The following RBPJ variants were observed in gnomAD, a reference collection of about 807,000 sequenced individuals.
RBPJ encodes the protein recombination signal binding protein for immunoglobulin kappa J region.
Under a neutral mutation model 67.8 loss-of-function variants are expected in RBPJ, and 9 were observed. The observed-to-expected ratio is 0.13, with a 90% confidence interval of 0.08 to 0.23. The LOEUF (loss-of-function observed/expected upper bound fraction) is 0.23, where lower values mean the gene tolerates loss of function less well. Ranked by LOEUF, RBPJ falls within the 10% of genes least tolerant of loss-of-function variation. The probability of loss-of-function intolerance (pLI) is 1.00; values close to 1 mark genes in which losing one functional copy is unlikely to be tolerated. For missense variants in RBPJ, 305 were observed against 595.6 expected (o/e 0.51, Z 5.08); for synonymous variants, 198 against 203.3 (o/e 0.97, Z 0.22).
Position 26,433,489 on chromosome 4 carries a change from A to G in RBPJ, c.*2482A>G, listed in dbSNP as rs1736407144. 6.6e-6 allele frequency: 1 copy of G among 152,188 alleles called. No homozygotes were observed. The highest frequency in any genetic ancestry group is 1.5e-5 in the Non-Finnish European group (1 of 68,024). 9.4% of individuals were successfully genotyped at this position (152,188 alleles called of 1,614,324 possible). A position where few individuals can be genotyped will look rare whatever the true frequency, so the allele number is the denominator to read the frequency against. ...TTTTGTAGCTCAAAAATAATTTTTC[A>G]AGTTCATGACCTTATTAAAATGAAC... On this transcript the variant is annotated 3_prime_UTR_variant, in exon 11 of 11. Coordinates refer to ENST00000355476, the MANE Select transcript of RBPJ (RefSeq NM_015874.6).
At chr4:26,192,352 T>C (rs1307359818) in intron 1 of RBPJ, among the ~76,000 whole-genome samples, 2 of 152,208 alleles carry the variant, frequency 1.3e-5, no homozygotes, top group African/African-American at 4.8e-5. Flanking sequence ...CACATTCTTT[T>C]GTGTCTAACT....
intron 1 of RBPJ, among the ~76,000 whole-genome samples, chr4:26,274,026 CT>C (rs1322341082): frequency 2.6e-5 from 4 of 152,332 alleles, no homozygotes; most frequent in Non-Finnish European, 5.9e-5. Flanking sequence ...TCAGAGAAGT[CT>C]TTCCCAACCA....
chr4:26,423,324 G>A (rs892424215), intron 5 of RBPJ, among the ~76,000 whole-genome samples: 7 of 152,202 alleles, frequency 4.6e-5, no homozygotes, highest in African/African-American at 1.7e-4. Context: ...CCTGCTAAAG[G>A]CAGGCCAAGG....
At chr4:26,231,774 C>T (rs1030422136) in intron 1 of RBPJ, among the ~76,000 whole-genome samples, 7 of 151,826 alleles carry the variant, frequency 4.6e-5, no homozygotes, top group Non-Finnish European at 5.9e-5. Context: ...GTCTCGAACT[C>T]GTGACCTCAG....
chr4:26,369,013 G>T (rs943591661), intron 1 of RBPJ, among the ~76,000 whole-genome samples: 8 of 152,176 alleles, frequency 5.3e-5, no homozygotes, highest in African/African-American at 1.9e-4. Context: ...CTCATTAGCA[G>T]ATTTTGCTTA....
intron 1 of RBPJ, among the ~76,000 whole-genome samples, chr4:26,223,108 T>C (rs1212775113): frequency 6.6e-6 from 1 of 151,110 alleles, no homozygotes; most frequent in African/African-American, 2.4e-5. Flanking sequence ...TGAGCCAAGA[T>C]TGCGCCATCG....
chr4:26,375,129 C>A (rs1004933215), intron 1 of RBPJ, among the ~76,000 whole-genome samples: 1 of 151,570 alleles, frequency 6.6e-6, no homozygotes, highest in African/African-American at 2.4e-5. Context: ...ATGGTGAAAC[C>A]CTGTTTCTGC....
At chr4:26,341,055 T>C (rs1725470661) in intron 1 of RBPJ, among the ~76,000 whole-genome samples, 1 of 151,996 alleles carries the variant, frequency 6.6e-6, no homozygotes, top group African/African-American at 2.4e-5. Flanking sequence ...GAATAAAAAT[T>C]TGGGAGTCAT....
intron 7 of RBPJ, among the ~76,000 whole-genome samples, chr4:26,426,770 C>A (rs1049616458): frequency 6.6e-6 from 1 of 152,088 alleles, no homozygotes; most frequent in Non-Finnish European, 1.5e-5. Context: ...TTCAGGCAAA[C>A]AGAACAAGTA....
In RBPJ at chr4:26,406,962, G is replaced by A. The variant is rs184996583; in HGVS notation, c.155+692G>A. 8.2e-3 allele frequency among the ~76,000 whole-genome samples: 1,245 copies of A among 152,266 alleles called. 24 individuals are homozygous for A. The highest frequency in any genetic ancestry group is 0.052 in the Admixed American group (802 of 15,300). On this transcript the variant is annotated intron_variant, in intron 3 of 10. Coordinates refer to ENST00000355476, the MANE Select transcript of RBPJ (RefSeq NM_015874.6). ...TGTTATTTTATTTTCAAACCAAGAC[G>A]AGCTTTGAAGGTGGAACTTTTCTAC...
intron 1 of RBPJ, among the ~76,000 whole-genome samples, chr4:26,327,460 T>A (rs1723746891): frequency 6.6e-6 from 1 of 151,614 alleles, no homozygotes; most frequent in Non-Finnish European, 1.5e-5. Context: ...TAATGCATTC[T>A]GAGTTGCAAA....
At position 26,431,874 on chromosome 4, in the gene RBPJ, T is replaced by G. The variant is rs1287651178; in HGVS notation, c.*867T>G. ...GGACTTATTGTGGTTATCTGAGAGGTTCTAACATTCACATGCAATTTGGTG... is the reference window on the plus strand; with the variant it reads ...GGACTTATTGTGGTTATCTGAGAGGGTCTAACATTCACATGCAATTTGGTG... On this transcript the variant is annotated 3_prime_UTR_variant, in exon 11 of 11. Transcript: ENST00000355476. 1 of 152,138 alleles carries G rather than the reference T, an allele frequency of 6.6e-6. No homozygotes were observed. The highest frequency in any genetic ancestry group is 1.5e-5 in the Non-Finnish European group (1 of 68,026). The allele number at this position is 152,138 out of a possible 1,614,324, so 9.4% of individuals were successfully genotyped here. A position where few individuals can be genotyped will look rare whatever the true frequency, so the allele number is the denominator to read the frequency against.
At chr4:26,156,185 A>G in the RBPJ span, among the ~76,000 whole-genome samples, 1 of 152,228 alleles carries the variant, frequency 6.6e-6, no homozygotes, top group Non-Finnish European at 1.5e-5. Context: ...GTGCACAGTA[A>G]GTATTCAATA....
chr4:26,155,220 A>G, the RBPJ span, among the ~76,000 whole-genome samples: 1 of 152,192 alleles, frequency 6.6e-6, no homozygotes, highest in Non-Finnish European at 1.5e-5. Context: ...GAAAAAGTAC[A>G]TATTTTGACC....
intron 1 of RBPJ, among the ~76,000 whole-genome samples, chr4:26,211,373 G>A (rs1718417370): frequency 6.6e-6 from 1 of 152,192 alleles, no homozygotes; most frequent in African/African-American, 2.4e-5. Flanking sequence ...AAGTATTAGA[G>A]AGGAACTGAG....
chr4:26,391,622 A>G (rs984065073), intron 2 of RBPJ, among the ~76,000 whole-genome samples: 2 of 152,250 alleles, frequency 1.3e-5, no homozygotes, highest in African/African-American at 2.4e-5. Context: ...CTAAAACACA[A>G]TCTGTGGAAG....
intron 1 of RBPJ, among the ~76,000 whole-genome samples, chr4:26,269,311 A>G (rs1720805496): frequency 6.6e-6 from 1 of 151,776 alleles, no homozygotes; most frequent in Non-Finnish European, 1.5e-5. Context: ...GCTAGAATAC[A>G]GTGGCGGGAT....
At chr4:26,414,909 A>G (rs1024488395) in intron 3 of RBPJ, among the ~76,000 whole-genome samples, 1 of 152,196 alleles carries the variant, frequency 6.6e-6, no homozygotes, top group Non-Finnish European at 1.5e-5. Flanking sequence ...TATATAAAAC[A>G]CAGCACTGCT....
intron 1 of RBPJ, among the ~76,000 whole-genome samples, chr4:26,281,883 TAC>T (rs1379431795): frequency 6.6e-6 from 1 of 152,216 alleles, no homozygotes; most frequent in Non-Finnish European, 1.5e-5. Context: ...GTTTTAGTCT[TAC>T]AAAGTTATTT....
Sources: allele counts gnomAD v4.1 joint callset (sites outside exome capture counted in the v4.1 genomes callset), GRCh38; gene constraint gnomAD v4.1.1; transcripts MANE v1.5; gene names NCBI Gene and HGNC (gene_info 2026-07-23, HGNC 2026-07-21).